Variants in RALGPS1 observed in about 807,000 individuals in gnomAD.
RALGPS1 encodes the protein Ral GEF with PH domain and SH3 binding motif 1, also known as ras-specific guanine nucleotide-releasing factor RalGPS1.
A neutral mutation model predicts 78.8 loss-of-function variants in RALGPS1; 19 were observed. The observed-to-expected ratio is 0.24, with a 90% CI of 0.17 to 0.35. The LOEUF (loss-of-function observed/expected upper bound fraction) is 0.35. Among genes scored for constraint, RALGPS1 ranks in the 10% least tolerant of loss-of-function variants. RALGPS1 has a pLI of 1.00. For synonymous variants in RALGPS1, 228 were observed against 256.3 expected (o/e 0.89, Z 1.06); for missense variants, 454 against 688.3 (o/e 0.66, Z 3.81).
intron 11 of RALGPS1, 72 bp from the exon 12 acceptor site, chr9:127,195,019 T>C: frequency 6.3e-7 from 1 of 1,577,460 alleles, no homozygotes. Context: ...CCTCCACACC[T>C]CAACCCAGCC....
intron 5 of RALGPS1, 47 bp from the exon 6 acceptor site, chr9:127,049,996 A>G (rs2048157866): frequency 7.0e-7 from 1 of 1,425,346 alleles, no homozygotes; most frequent in Non-Finnish European, 9.9e-7. Flanking sequence ...GCAATTAACA[A>G]CTTTTCTGGT....
chr9:127,172,748 A>C (rs2059630358), intron 10 of RALGPS1, among the ~76,000 whole-genome samples: 1 of 151,184 alleles, frequency 6.6e-6, no homozygotes, highest in Non-Finnish European at 1.5e-5. Flanking sequence ...TTGTTTTAGC[A>C]TCTCATTTTT....
chr9:127,070,362 CAATG>C (rs1187043546), intron 8 of RALGPS1, among the ~76,000 whole-genome samples: 1 of 152,174 alleles, frequency 6.6e-6, no homozygotes, highest in Non-Finnish European at 1.5e-5. Context: ...TAAAATGTCT[CAATG>C]AACGTCCTTA....
rs77258635 is a variant in RALGPS1 at position 127,202,917 on chromosome 9, C to T, written c.1247+3851C>T. Among the ~76,000 whole-genome samples the T allele has an allele frequency of 4.0e-5, 6 of 151,824 alleles. No individual in the cohort carries two copies. In the East Asian group the frequency reaches 7.8e-4, roughly 20 times the overall value. On this transcript the variant is annotated intron_variant, in intron 14 of 18. Coordinates refer to ENST00000259351, the MANE Select transcript of RALGPS1 (RefSeq NM_014636.3). Reference sequence around the variant, plus strand: ...GGGGAGGCGGCCGCAGGGCAGCGGCCGCAGGGCATTCAGTTACCTGGAGAG... The same window carrying T: ...GGGGAGGCGGCCGCAGGGCAGCGGCTGCAGGGCATTCAGTTACCTGGAGAG...
Position 127,108,113 on chromosome 9 carries a change from C to A in RALGPS1, c.610+38757C>A, listed in dbSNP as rs779672736. ...TGGGGGACGGGCCTGGCCGAGGGCACCCTCTGGCAGTGCTCCTCAAGCTGC... is the reference window on the plus strand; with the variant it reads ...TGGGGGACGGGCCTGGCCGAGGGCAACCTCTGGCAGTGCTCCTCAAGCTGC... On this transcript the variant is annotated intron_variant, in intron 8 of 18. Transcript: ENST00000259351. 16 of 1,613,236 alleles carry A rather than the reference C, an allele frequency of 9.9e-6. No homozygotes were observed. In the South Asian group the frequency reaches 1.8e-4, roughly 18 times the overall value.
At chr9:127,069,741 A>G (rs1034805184) in intron 8 of RALGPS1, 1 of 155,374 alleles carries the variant, frequency 6.4e-6, no homozygotes, top group Non-Finnish European at 1.4e-5. Flanking sequence ...ATATTTGTAC[A>G]AATAAAATTA....
intron 7 of RALGPS1, among the ~76,000 whole-genome samples, chr9:127,057,295 C>T (rs2048825892): frequency 6.6e-6 from 1 of 152,210 alleles, no homozygotes; most frequent in Non-Finnish European, 1.5e-5. Flanking sequence ...CAGGCCAGCT[C>T]TCTGTGCCAT....
intron 8 of RALGPS1, among the ~76,000 whole-genome samples, chr9:127,153,344 T>G (rs1039622813): frequency 6.6e-6 from 1 of 151,690 alleles, no homozygotes; most frequent in Non-Finnish European, 1.5e-5. Context: ...CTGAGGATGA[T>G]TCCCCCACGT....
chr9:127,208,606 G>T (rs949970649), intron 14 of RALGPS1, among the ~76,000 whole-genome samples: 7 of 152,150 alleles, frequency 4.6e-5, no homozygotes, highest in Non-Finnish European at 8.8e-5. Flanking sequence ...CGATGAAGTT[G>T]CAGGAGCATC....
chr9:126,926,391 C>G (rs571751629), intron 1 of RALGPS1, among the ~76,000 whole-genome samples: 2 of 152,168 alleles, frequency 1.3e-5, no homozygotes, highest in Non-Finnish European at 2.9e-5. Context: ...CTCACAGGCT[C>G]TTAAAGATTT....
At position 127,052,836 on chromosome 9, in the gene RALGPS1, CT is replaced by C. The variant is rs559106897; in HGVS notation, c.391-4del. 46 of 1,557,566 alleles carry C rather than the reference CT, an allele frequency of 3.0e-5. No homozygotes were observed. Among genetic ancestry groups the C allele is most frequent in the Non-Finnish European group, 4.4e-6 (5 of 1,129,428 alleles). ...AGCAGCAAAATAATCTATTCCATAT[CT>C]TTTTTTCAGAAACTTCTAGAACTCA... On this transcript the variant is annotated splice_polypyrimidine_tract_variant and intron_variant, in intron 6 of 18. Transcript: ENST00000259351.
intron 8 of RALGPS1, among the ~76,000 whole-genome samples, chr9:127,072,982 A>C (rs1286812600): frequency 6.6e-6 from 1 of 152,222 alleles, no homozygotes; most frequent in Admixed American, 6.5e-5. Flanking sequence ...TACATATTTA[A>C]GGGTCACGTG....
At chr9:127,197,035 G>A (rs1421315826) in intron 13 of RALGPS1, among the ~76,000 whole-genome samples, 1 of 152,222 alleles carries the variant, frequency 6.6e-6, no homozygotes, top group Admixed American at 6.5e-5. Context: ...GCCAGGGAGG[G>A]TAGCTGGGTG....
At chr9:127,139,211 G>C (rs1035772688) in intron 8 of RALGPS1, among the ~76,000 whole-genome samples, 1 of 152,202 alleles carries the variant, frequency 6.6e-6, no homozygotes, top group East Asian at 1.9e-4. Flanking sequence ...GGCAGACCTA[G>C]TGAGGTATGA....
intron 11 of RALGPS1, among the ~76,000 whole-genome samples, chr9:127,182,618 T>G (rs913127932): frequency 2.6e-5 from 4 of 151,784 alleles, no homozygotes; most frequent in Non-Finnish European, 5.9e-5. Context: ...TTAGTAGAGA[T>G]GGGTTTCACT....
intron 13 of RALGPS1, among the ~76,000 whole-genome samples, chr9:127,197,679 G>C (rs1040788496): frequency 6.6e-6 from 1 of 152,192 alleles, no homozygotes; most frequent in African/African-American, 2.4e-5. Context: ...AGGTCATCCT[G>C]TTTGGAGCCA....
intron 3 of RALGPS1, among the ~76,000 whole-genome samples, chr9:126,974,645 T>G (rs1311516412): frequency 2.0e-5 from 3 of 152,140 alleles, no homozygotes; most frequent in Admixed American, 6.6e-5. Context: ...AGGAAGCCAT[T>G]GCCAGGTGAC....
intron 8 of RALGPS1, among the ~76,000 whole-genome samples, chr9:127,124,925 A>G (rs1016587235): frequency 2.0e-5 from 3 of 152,184 alleles, no homozygotes; most frequent in Admixed American, 6.5e-5. Context: ...TGTTTTCACT[A>G]TTCAAAGTTC....
intron 8 of RALGPS1, among the ~76,000 whole-genome samples, chr9:127,117,528 A>C (rs952509147): frequency 6.6e-6 from 1 of 152,198 alleles, no homozygotes; most frequent in African/African-American, 2.4e-5. Context: ...TGAGACAGAG[A>C]CTAGGCATTT....
Sources: gnomAD v4.1 joint callset for allele counts (sites outside exome capture counted in the v4.1 genomes callset) on GRCh38, gnomAD v4.1.1 for gene constraint, MANE v1.5 for transcripts, NCBI Gene and HGNC (gene_info 2026-07-23, HGNC 2026-07-21) for gene names.